The following KIAA1755 variants were observed in gnomAD, a reference collection of about 807,000 sequenced individuals.
The protein encoded by KIAA1755 is KIAA1755.
Under a neutral mutation model 91.7 loss-of-function variants are expected in KIAA1755, and 68 were observed. That is an observed-to-expected ratio of 0.74 (90% CI 0.61 to 0.91). The LOEUF is 0.91. Among genes scored for constraint, KIAA1755 ranks in the 40% least tolerant of loss-of-function variants. The pLI, the probability that KIAA1755 is intolerant of heterozygous loss-of-function variation, is 0.00. For synonymous variants in KIAA1755, 610 were observed against 604.6 expected (o/e 1.01, Z -0.13); for missense variants, 1,535 against 1,494.4 (o/e 1.03, Z -0.45).
At position 38,212,905 on chromosome 20, in the gene KIAA1755, TC is replaced by T; in HGVS notation, c.*136del. 1.5e-6 allele frequency: 1 copy of T among 679,302 alleles called. No homozygotes were observed. 42.1% of individuals were successfully genotyped at this position (679,302 alleles called of 1,614,324 possible). A position where few individuals can be genotyped will look rare whatever the true frequency, so the allele number is the denominator to read the frequency against. ...AGGGGCAGGTCGACAGTTCTCATCCTCCCAGCAGAGGCAGAATGTAAAACCA... is the reference window on the plus strand; with the variant it reads ...AGGGGCAGGTCGACAGTTCTCATCCTCCAGCAGAGGCAGAATGTAAAACCA... On this transcript the variant is annotated 3_prime_UTR_variant, in exon 14 of 14. Transcript: ENST00000279024.
rs1372872507 is a variant in KIAA1755, at chr20:38,210,520, A to G, written c.*2522T>C. On this transcript the variant is annotated 3_prime_UTR_variant, in exon 14 of 14. Transcript: ENST00000279024. ...AAGAAATGTTAGCTGTTATTATTCG[A>G]TATTTTTATACATTGTTACTCATTA... 1 of 152,252 alleles carries G rather than the reference A, an allele frequency of 6.6e-6. No individual in the cohort carries two copies. The highest frequency in any genetic ancestry group is 1.5e-5 in the Non-Finnish European group (1 of 68,048). 9.4% of individuals were successfully genotyped at this position (152,252 alleles called of 1,614,324 possible).
intron 5 of KIAA1755, among the ~76,000 whole-genome samples, chr20:38,230,300 C>CA (rs765796688): frequency 1.8e-3 from 280 of 152,332 alleles, no homozygotes; most frequent in Non-Finnish European, 3.0e-3. Context: ...TACTCATTCA[C>CA]CCCTTTCCTT....
intron 3 of KIAA1755, 98 bp downstream of exon 3, chr20:38,240,484 G>C (rs1022028800): frequency 4.0e-6 from 5 of 1,263,550 alleles, no homozygotes; most frequent in East Asian, 2.6e-5. Context: ...AGCTGAGCCA[G>C]CCCAGGTGGT....
chr20:38,213,045 G>A lies in KIAA1755; in HGVS notation c.3600C>T (p.Leu1200=). 1 of 1,538,156 alleles carries A rather than the reference G, an allele frequency of 6.5e-7. No homozygotes were observed. The highest frequency in any genetic ancestry group is 1.3e-5 in the South Asian group (1 of 79,568). Residue 1200 remains leucine (L), a synonymous_variant, in exon 14 of 14, where the codon CTC becomes CTT. Transcript: ENST00000279024. The part of the protein sequence containing the change: ...DSPQTSPLAS[L] Reference sequence around the variant, plus strand: ...TGCGACTGAAGGGGCCTCTCAGCTAGAGGGAGGCAAGGGGACTTGTCTGGG... The same window carrying A: ...TGCGACTGAAGGGGCCTCTCAGCTAAAGGGAGGCAAGGGGACTTGTCTGGG...
intron 2 of KIAA1755, among the ~76,000 whole-genome samples, chr20:38,242,769 AGGT>A (rs1438492346): frequency 1.3e-5 from 2 of 152,208 alleles, no homozygotes; most frequent in Non-Finnish European, 2.9e-5. Context: ...CCTGACCCAA[AGGT>A]TATTCTGGGC....
At chr20:38,249,965 GCCTTGAGTAGGT>G (rs902538820) in intron 1 of KIAA1755, among the ~76,000 whole-genome samples, 1 of 152,196 alleles carries the variant, frequency 6.6e-6, no homozygotes, top group Non-Finnish European at 1.5e-5. Flanking sequence ...TCTCTGTGCA[GCCTTGAGTAGGT>G]CCTTTCCCTC....
intron 1 of KIAA1755, 22 bp from the exon 2 acceptor site, chr20:38,246,148 G>A: frequency 1.9e-6 from 3 of 1,595,830 alleles, no homozygotes; most frequent in Non-Finnish European, 2.6e-6. Context: ...AGGAGGAGGG[G>A]GTGATAATAG....
Position 38,239,594 on chromosome 20 carries a change from C to A in KIAA1755, c.1681G>T (p.Gly561Trp). 1 of 1,608,672 alleles carries A rather than the reference C, an allele frequency of 6.2e-7. No individual in the cohort carries two copies. Among genetic ancestry groups the A allele is most frequent in the Non-Finnish European group, 8.5e-7 (1 of 1,178,204 alleles). ...RGPTLEEEPPGPEPRIGALGV... is the reference protein window; with the variant it reads ...RGPTLEEEPPWPEPRIGALGV... ...AGAGCCCCAATCCTGGGCTCAGGCC[C>A]TGGGGGCTCCTCCTCCAGGGTGGGG... The change falls in exon 4 of 14, where the codon GGG (glycine) becomes TGG (tryptophan). Residue 561 changes from glycine to tryptophan, a missense_variant. Transcript: ENST00000279024.
chr20:38,254,501 T>G lies in KIAA1755; in HGVS notation c.3+5997A>C, dbSNP rs180880554. 9.8e-3 allele frequency among the ~76,000 whole-genome samples: 1,486 copies of G among 152,162 alleles called. 13 individuals are homozygous for G. Among genetic ancestry groups the G allele is most frequent in the Non-Finnish European group, 0.015 (1,047 of 68,004 alleles). ...GGGCATTCTAGAATTCAAAGTATAATCAGGGGCCGGGTGCAGTGGCTCATG... is the reference window on the plus strand; with the variant it reads ...GGGCATTCTAGAATTCAAAGTATAAGCAGGGGCCGGGTGCAGTGGCTCATG... On this transcript the variant is annotated intron_variant, in intron 1 of 13. Transcript: ENST00000279024.
In KIAA1755 at chr20:38,240,965, G is replaced by A; in HGVS notation, c.1166C>T (p.Ala389Val). The change falls in exon 3 of 14, where the codon GCA becomes GTA. Residue 389 changes from alanine (A) to valine (V), a missense_variant. Physicochemically the swap from Ala to Val is moderately conservative, Grantham distance 64. Coordinates refer to ENST00000279024, the MANE Select transcript of KIAA1755 (RefSeq NM_001029864.2). ...DALDCASGLR[A>V]GVSQEPAASK... is the part of the protein sequence containing the mutation. Reference sequence around the variant, plus strand: ...GGCAGCTGGCTCTTGTGAGACACCTGCCCTGAGACCAGAGGCACAGTCCAG... The same window carrying A: ...GGCAGCTGGCTCTTGTGAGACACCTACCCTGAGACCAGAGGCACAGTCCAG... 6.2e-7 allele frequency: 1 copy of A among 1,614,120 alleles called. No homozygotes were observed. Among genetic ancestry groups the A allele is most frequent in the Non-Finnish European group, 8.5e-7 (1 of 1,180,022 alleles).
chr20:38,252,374 C>T (rs143721012), intron 1 of KIAA1755, among the ~76,000 whole-genome samples: 2,724 of 152,294 alleles, frequency 0.018, 33 homozygotes, highest in Middle Eastern at 0.068. Flanking sequence ...AGTCTCCAGG[C>T]GGCTACTGTG....
chr20:38,249,778 C>G (rs866177268), intron 1 of KIAA1755, among the ~76,000 whole-genome samples: 2 of 152,128 alleles, frequency 1.3e-5, no homozygotes, highest in Non-Finnish European at 1.5e-5. Context: ...TCATCTGGCC[C>G]GGTGTCCTCT....
chr20:38,240,158 T>C (rs1298071730), intron 3 of KIAA1755, among the ~76,000 whole-genome samples: 1 of 152,166 alleles, frequency 6.6e-6, no homozygotes, highest in Non-Finnish European at 1.5e-5. Flanking sequence ...TGTAAATTCC[T>C]GGCCTCAAGC....
intron 8 of KIAA1755, among the ~76,000 whole-genome samples, chr20:38,225,047 G>A (rs1279752173): frequency 6.6e-6 from 1 of 152,172 alleles, no homozygotes; most frequent in Non-Finnish European, 1.5e-5. Flanking sequence ...AGGCTGGAGT[G>A]CAGTGGTGTG....
chr20:38,217,734 G>A, intron 12 of KIAA1755: 1 of 565,180 alleles, frequency 1.8e-6, no homozygotes, highest in South Asian at 2.3e-5. Context: ...GCCTAGCCGG[G>A]CTCTGCTTAG....
chr20:38,243,900 G>C lies in KIAA1755; in HGVS notation c.202-1971C>G, dbSNP rs6014429. Among the ~76,000 whole-genome samples, 281 of 152,312 alleles carry C rather than the reference G, an allele frequency of 1.8e-3. 2 individuals carry two copies. Among genetic ancestry groups the C allele is most frequent in the African/African-American group, 6.4e-3 (265 of 41,560 alleles). ...TCTCCATGTGTTGTCATCTCCATGT[G>C]TTAGGTGCTGTGTTATTAACGTTTC... On this transcript the variant is annotated intron_variant, in intron 2 of 13. Coordinates refer to ENST00000279024, the MANE Select transcript of KIAA1755 (RefSeq NM_001029864.2).
Position 38,241,554 on chromosome 20 carries a change from C to G in KIAA1755, c.577G>C (p.Val193Leu). ...CAGGCTTGGCAGAGGGCATTCACTA[C>G]TTGGGGTCTGTCATCCACAAACTCT... ...SPEFVDDRPQ[V>L]VNALCQAWGP... The change falls in exon 3 of 14, where the codon GTA (valine) becomes CTA (leucine). Residue 193 changes from valine to leucine, a missense_variant. Coordinates refer to ENST00000279024, the MANE Select transcript of KIAA1755 (RefSeq NM_001029864.2). 6.2e-7 allele frequency: 1 copy of G among 1,614,250 alleles called. No individual in the cohort carries two copies. Among genetic ancestry groups the G allele is most frequent in the South Asian group, 1.1e-5 (1 of 91,088 alleles).
In KIAA1755 at chr20:38,241,821, C is replaced by A. The variant is rs757508088; in HGVS notation, c.310G>T (p.Asp104Tyr). 2 of 1,614,180 alleles carry A rather than the reference C, an allele frequency of 1.2e-6. No homozygotes were observed. The highest frequency in any genetic ancestry group is 8.5e-7 in the Non-Finnish European group (1 of 1,180,022). ...TGGGGCTCCACTTGGAGGTAGAAGT[C>A]ACCCTGGCGCAATAAGAGAGGGTTG... Reference protein sequence around the residue: ...PLNPLLLRQGDFYLQVEPQEE... With the variant: ...PLNPLLLRQGYFYLQVEPQEE... Residue 104 changes from aspartate to tyrosine, a missense_variant, in exon 3 of 14, where the codon GAC (aspartate) becomes TAC (tyrosine). Transcript: ENST00000279024.
chr20:38,228,455 A>G (rs747210097), intron 5 of KIAA1755, among the ~76,000 whole-genome samples: 3 of 151,704 alleles, frequency 2.0e-5, no homozygotes, highest in Non-Finnish European at 4.4e-5. Flanking sequence ...CTCCTGCAAG[A>G]CCTCATACAG....
Sources: allele counts gnomAD v4.1 joint callset (sites outside exome capture counted in the v4.1 genomes callset), GRCh38; gene constraint gnomAD v4.1.1; transcripts MANE v1.5; gene names NCBI Gene and HGNC (gene_info 2026-07-23, HGNC 2026-07-21).